RNF115: variants seen among roughly 807,000 people sequenced by gnomAD.
RNF115 encodes the protein E3 ubiquitin-protein ligase RNF115.
In RNF115, 31 loss-of-function variants were observed where a neutral mutation model predicts 39.2. The observed-to-expected ratio is 0.79, with a 90% CI of 0.59 to 1.07. RNF115 has a LOEUF of 1.07. Ranked by LOEUF, RNF115 falls within the 50% of genes least tolerant of loss-of-function variation. RNF115 has a pLI of 0.00. For synonymous variants in RNF115, 124 were observed against 131.0 expected (o/e 0.95, Z 0.37); for missense variants, 384 against 381.7 (o/e 1.01, Z -0.05).
chr1:145,753,134 A>G (rs1658160898), intron 4 of RNF115, 85 bp from the exon 5 acceptor site: 1 of 895,296 alleles, frequency 1.1e-6, no homozygotes, highest in Admixed American at 2.0e-5. Flanking sequence ...TCACCAACTA[A>G]TTCCCTAAAC....
chr1:145,777,229 A>G (rs1382684157), intron 3 of RNF115, among the ~76,000 whole-genome samples: 1 of 152,230 alleles, frequency 6.6e-6, no homozygotes, highest in African/African-American at 2.4e-5. Flanking sequence ...ATTATAATAT[A>G]AAAATGAAAT....
intron 5 of RNF115, among the ~76,000 whole-genome samples, chr1:145,752,585 CTT>C (rs60257682): frequency 2.7e-4 from 23 of 83,760 alleles, no homozygotes; most frequent in South Asian, 4.5e-4. Flanking sequence ...CTATGCAGCT[CTT>C]TTTTTTTTTT....
chr1:145,817,015 G>A (rs1650022475), intron 1 of RNF115, among the ~76,000 whole-genome samples: 1 of 71,106 alleles, frequency 1.4e-5, no homozygotes, highest in African/African-American at 4.2e-5. Flanking sequence ...GGAGACAGAG[G>A]TCTAAAAATA....
intron 4 of RNF115, among the ~76,000 whole-genome samples, chr1:145,770,374 T>C (rs1647580802): frequency 6.6e-6 from 1 of 152,160 alleles, no homozygotes; most frequent in South Asian, 2.1e-4. Context: ...AGGGGGAGTG[T>C]AGGCTCTAGA....
At chr1:145,772,224 T>TA (rs1252808616) in intron 3 of RNF115, 2 of 215,564 alleles carry the variant, frequency 9.3e-6, no homozygotes, top group Non-Finnish European at 1.8e-5. Flanking sequence ...GGACTTTTTT[T>TA]AAAAAAAGTT....
intron 4 of RNF115, 63 bp downstream of exon 4, chr1:145,771,648 G>A: frequency 2.3e-6 from 3 of 1,328,636 alleles, no homozygotes; most frequent in Non-Finnish European, 3.2e-6. Flanking sequence ...ATAAAGATTA[G>A]ATTATACCAA....
chr1:145,761,719 C>T (rs1658513738), intron 4 of RNF115, among the ~76,000 whole-genome samples: 1 of 152,242 alleles, frequency 6.6e-6, no homozygotes, highest in African/African-American at 2.4e-5. Flanking sequence ...AGCCCCCACA[C>T]AGAGTCCCTA....
chr1:145,800,451 T>C (rs1270320831), intron 1 of RNF115, among the ~76,000 whole-genome samples: 1 of 152,182 alleles, frequency 6.6e-6, no homozygotes, highest in Non-Finnish European at 1.5e-5. Flanking sequence ...ATGCAGTTTA[T>C]TTCTCAAGCC....
At chr1:145,790,614 T>G (rs1203346928) in intron 1 of RNF115, among the ~76,000 whole-genome samples, 1 of 151,844 alleles carries the variant, frequency 6.6e-6, no homozygotes, top group African/African-American at 2.4e-5. Flanking sequence ...GTATTTTTAG[T>G]AGAGACGGGG....
chr1:145,784,598 T>C lies in RNF115; in HGVS notation c.162-2A>G. The stretch of plus-strand genomic sequence containing the variant: ...CGACTGCCGCCACCACCTAAAAAAC[T>C]AAAGAGAAAAGGAATGAGTGGTGAT... On this transcript the variant is annotated splice_acceptor_variant, in intron 2 of 8. Transcript: ENST00000582693. LOFTEE classifies it high-confidence loss of function. 1 of 1,613,604 alleles carries C rather than the reference T, an allele frequency of 6.2e-7. No individual in the cohort carries two copies. Among genetic ancestry groups the C allele is most frequent in the Non-Finnish European group, 8.5e-7 (1 of 1,179,636 alleles).
chr1:145,812,304 T>C (rs1175373552), intron 1 of RNF115, among the ~76,000 whole-genome samples: 2 of 150,268 alleles, frequency 1.3e-5, no homozygotes, highest in East Asian at 1.9e-4. Flanking sequence ...CCTGTGACAC[T>C]TGTTCAAATT....
At chr1:145,785,498 T>C (rs1299665137) in intron 2 of RNF115, among the ~76,000 whole-genome samples, 1 of 152,106 alleles carries the variant, frequency 6.6e-6, no homozygotes, top group East Asian at 1.9e-4. Flanking sequence ...ATTGTCCCCA[T>C]GAAATTTGCA....
At chr1:145,788,552 T>C (rs1648494456) in intron 2 of RNF115, among the ~76,000 whole-genome samples, 1 of 152,178 alleles carries the variant, frequency 6.6e-6, no homozygotes, top group African/African-American at 2.4e-5. Flanking sequence ...GAGTGGTCAC[T>C]AAAAACCAAC....
chr1:145,784,519 A>C lies in RNF115; in HGVS notation c.219+20T>G. On this transcript the variant is annotated intron_variant, in intron 3 of 8. Transcript: ENST00000582693. ...CCTAACCACTTCTTAAAGAATTCCTACAGCTAAAGGAAAACTTACCTCTGC... is the reference window on the plus strand; with the variant it reads ...CCTAACCACTTCTTAAAGAATTCCTCCAGCTAAAGGAAAACTTACCTCTGC... 6.2e-7 allele frequency: 1 copy of C among 1,608,996 alleles called. No homozygotes were observed. Among genetic ancestry groups the C allele is most frequent in the Non-Finnish European group, 8.5e-7 (1 of 1,175,376 alleles).
At chr1:145,809,375 C>G (rs1649598380) in intron 1 of RNF115, among the ~76,000 whole-genome samples, 1 of 151,040 alleles carries the variant, frequency 6.6e-6, no homozygotes, top group Non-Finnish European at 1.5e-5. Context: ...TTAGTAGATG[C>G]AGATTTCACT....
chr1:145,767,709 G>A (rs1571729345), intron 4 of RNF115, among the ~76,000 whole-genome samples: 1 of 152,234 alleles, frequency 6.6e-6, no homozygotes, highest in African/African-American at 2.4e-5. Flanking sequence ...ACGCAACTCC[G>A]TCTGCCATCC....
chr1:145,793,931 C>T (rs1648806707), intron 1 of RNF115, among the ~76,000 whole-genome samples: 1 of 151,432 alleles, frequency 6.6e-6, no homozygotes, highest in African/African-American at 2.4e-5. Flanking sequence ...GCAACCTCTG[C>T]CTCCTGGGTT....
chr1:145,790,722 G>A (rs909258855), intron 1 of RNF115, among the ~76,000 whole-genome samples: 7 of 152,184 alleles, frequency 4.6e-5, no homozygotes, highest in Admixed American at 1.3e-4. Flanking sequence ...GTGAGCCACC[G>A]TGCCTGGCCT....
chr1:145,807,547 T>C (rs1649514530), intron 1 of RNF115, among the ~76,000 whole-genome samples: 1 of 152,208 alleles, frequency 6.6e-6, no homozygotes, highest in Non-Finnish European at 1.5e-5. Flanking sequence ...TTATTAATAT[T>C]ACTTTCAACC....
Sources: gnomAD v4.1 joint callset for allele counts (sites outside exome capture counted in the v4.1 genomes callset) on GRCh38, gnomAD v4.1.1 for gene constraint, MANE v1.5 for transcripts, NCBI Gene and HGNC (gene_info 2026-07-23, HGNC 2026-07-21) for gene names.